Variants in SNX1 observed in about 807,000 individuals in gnomAD.
The protein encoded by SNX1 is sorting nexin-1.
Under a neutral mutation model 71.8 loss-of-function variants are expected in SNX1, and 36 were observed. That is an observed-to-expected ratio of 0.50 (90% CI 0.38 to 0.66). The LOEUF (loss-of-function observed/expected upper bound fraction) is 0.66. SNX1 is among the 30% of genes least tolerant of loss of function. The pLI, the probability that SNX1 is intolerant of heterozygous loss-of-function variation, is 0.00. For synonymous variants in SNX1, 254 were observed against 240.7 expected, an observed-to-expected ratio of 1.06 and a Z score of -0.51; for missense variants, 612 against 646.7, an observed-to-expected ratio of 0.95 and a Z score of 0.58.
At chr15:64,126,434 C>G (rs2081253553) in intron 6 of SNX1, among the ~76,000 whole-genome samples, 1 of 152,154 alleles carries the variant, frequency 6.6e-6, no homozygotes, top group South Asian at 2.1e-4. Context: ...GTTTAGCCTC[C>G]AGAGATGTTC....
chr15:64,138,319 C>T lies in SNX1; in HGVS notation c.*701C>T. The T allele has an allele frequency of 1.3e-6, 1 of 799,766 alleles. No homozygotes were observed. Among genetic ancestry groups the T allele is most frequent in the Non-Finnish European group, 1.8e-6 (1 of 569,926 alleles). The allele number at this position is 799,766 out of a possible 1,614,324, so 49.5% of individuals were successfully genotyped here. On this transcript the variant is annotated 3_prime_UTR_variant, in exon 15 of 15. Transcript: ENST00000559844. ...CCTGCAAAGGAGGCAGAGACTTTCT[C>T]TCTCTCTTTTTTTTTTTTTTTTGGT...
chr15:64,099,629 G>A (rs1429548084), intron 1 of SNX1, among the ~76,000 whole-genome samples: 2 of 152,110 alleles, frequency 1.3e-5, no homozygotes, highest in Non-Finnish European at 2.9e-5. Flanking sequence ...TCTAGCCTGG[G>A]CGAAAAAGTG....
Position 64,143,712 on chromosome 15 carries a change from G to C in SNX1, c.*6094G>C, listed in dbSNP as rs1413080243. 6.6e-6 allele frequency: 1 copy of C among 152,220 alleles called. No homozygotes were observed. Among genetic ancestry groups the C allele is most frequent in the Non-Finnish European group, 1.5e-5 (1 of 68,044 alleles). The allele number at this position is 152,220 out of a possible 1,614,324, so 9.4% of individuals were successfully genotyped here. A position where few individuals can be genotyped will look rare whatever the true frequency, so the allele number is the denominator to read the frequency against. On this transcript the variant is annotated 3_prime_UTR_variant, in exon 15 of 15. Transcript: ENST00000559844. ...ATTCTCAGAATTACACCTGTCTGAA[G>C]CAGGCATTTTCCAATGCCCTAGATG...
intron 5 of SNX1, 37 bp from the exon 6 acceptor site, chr15:64,126,042 G>A (rs771384672): frequency 1.9e-6 from 3 of 1,611,584 alleles, no homozygotes; most frequent in South Asian, 2.2e-5. Context: ...TCCCCTATTT[G>A]GAATGAAATT....
At chr15:64,113,505 A>G (rs55807515) in intron 2 of SNX1, among the ~76,000 whole-genome samples, 2,890 of 152,206 alleles carry the variant, frequency 0.019, 108 homozygotes, top group African/African-American at 0.066. Flanking sequence ...CAGTAGTGCT[A>G]TTGTTGAAAA....
chr15:64,125,379 T>C (rs1273597821), intron 5 of SNX1, among the ~76,000 whole-genome samples: 3 of 150,048 alleles, frequency 2.0e-5, no homozygotes, highest in African/African-American at 7.4e-5. Context: ...ACAAGAGAAT[T>C]GCTTGAACCT....
intron 1 of SNX1, among the ~76,000 whole-genome samples, chr15:64,104,884 TA>T (rs35090758): frequency 0.65 from 81,100 of 125,646 alleles, 27,666 homozygotes; most frequent in East Asian, 0.8. Context: ...GACTTGATCT[TA>T]AAAAAAAAAA....
chr15:64,136,880 T>TC lies in SNX1; in HGVS notation c.1467dup (p.Lys490GlnfsTer9). The TC allele has an allele frequency of 6.2e-7, 1 of 1,613,852 alleles. No individual in the cohort carries two copies. The highest frequency in any genetic ancestry group is 1.1e-5 in the South Asian group (1 of 91,056). The stretch of plus-strand genomic sequence containing the variant: ...TCCTAGAAAGAGAAATCCAAGGACT[T>TC]CAAGAACCACGTGATCAAGTACCTT... On this transcript the variant is annotated frameshift_variant, in exon 14 of 15. Transcript: ENST00000559844. LOFTEE classifies it high-confidence loss of function.
At chr15:64,123,593 G>T in intron 5 of SNX1, 47 bp downstream of exon 5, 1 of 1,462,548 alleles carries the variant, frequency 6.8e-7, no homozygotes, top group African/African-American at 1.4e-5. Context: ...AGACTTTGGT[G>T]CTTATACCAA....
Position 64,134,929 on chromosome 15 carries a change from C to T in SNX1, c.1365+122C>T, listed in dbSNP as rs1450181553. On this transcript the variant is annotated intron_variant, in intron 12 of 14. Coordinates refer to ENST00000559844, the MANE Select transcript of SNX1 (RefSeq NM_003099.5). This position sits in a 1 kb window ranked among gnomAD's most constrained non-coding sequence, Gnocchi z 4.1. ...AGAGCGCTGATTGAGTCTAAAGGGC[C>T]GTGGCTGCTGAGGAAGCCTCTGAGA... 19 of 1,307,780 alleles carry T rather than the reference C, an allele frequency of 1.5e-5. No homozygotes were observed. The Admixed American group carries it at 1.8e-4, about 12-fold the overall frequency. The allele number at this position is 1,307,780 out of a possible 1,614,324, so 81.0% of individuals were successfully genotyped here.
chr15:64,112,586 C>G lies in SNX1; in HGVS notation c.173C>G (p.Ser58Cys). 3.1e-6 allele frequency: 5 copies of G among 1,606,206 alleles called. No individual in the cohort carries two copies. The highest frequency in any genetic ancestry group is 2.2e-5 in the South Asian group (2 of 90,322). ...TGAAVVSKHQ[S>C]PKITTSLLPI... is the part of the protein sequence containing the mutation. The stretch of plus-strand genomic sequence containing the variant: ...CTTTGTTTTCAGAGTAAACATCAGT[C>G]TCCAAAGATAACTACATCCCTTCTT... The change falls in exon 2 of 15, where the codon TCT becomes TGT. Residue 58 changes from serine (S) to cysteine (C), a missense_variant. By Grantham distance (112) the Ser-to-Cys change is moderately radical (BLOSUM62 -1). This residue lies in a region of SNX1 where 316 missense variants were observed against 284.9 expected (regional missense o/e 1.11). Coordinates refer to ENST00000559844, the MANE Select transcript of SNX1 (RefSeq NM_003099.5).
At chr15:64,104,730 C>A (rs546197712) in intron 1 of SNX1, among the ~76,000 whole-genome samples, 1 of 151,252 alleles carries the variant, frequency 6.6e-6, no homozygotes, top group East Asian at 2.0e-4. Context: ...ACTAAAAATA[C>A]AAAATTTAGC....
At chr15:64,112,171 A>C (rs948536532) in intron 1 of SNX1, among the ~76,000 whole-genome samples, 1 of 152,224 alleles carries the variant, frequency 6.6e-6, no homozygotes, top group African/African-American at 2.4e-5. Context: ...CAGAGTAAGC[A>C]TGGGTCAGAG....
chr15:64,100,698 G>A lies in SNX1; in HGVS notation c.159+4526G>A, dbSNP rs1223752856. Among the ~76,000 whole-genome samples, 3 of 151,790 alleles carry A rather than the reference G, an allele frequency of 2.0e-5. No individual in the cohort carries two copies. In the East Asian group the frequency reaches 5.8e-4, roughly 29 times the overall value. On this transcript the variant is annotated intron_variant, in intron 1 of 14. Transcript: ENST00000559844. ...AACTACAAATAGTTTAGAGAGTTAT[G>A]TAAGTTATGTATTAACATTTAGGCA...
At chr15:64,133,617 C>A (rs981482782) in intron 11 of SNX1, among the ~76,000 whole-genome samples, 2 of 152,204 alleles carry the variant, frequency 1.3e-5, no homozygotes, top group African/African-American at 4.8e-5. Flanking sequence ...ATAATCCCAG[C>A]TACTCAGGAG....
rs767680862 is a variant in SNX1 at position 64,131,755 on chromosome 15, G to A, written c.1084G>A (p.Ala362Thr). The A allele has an allele frequency of 6.2e-7, 1 of 1,614,180 alleles. No individual in the cohort carries two copies. Residue 362 changes from alanine to threonine, a missense_variant, in exon 11 of 15, where the codon GCA becomes ACA. Physicochemically the swap from Ala to Thr is moderately conservative, Grantham distance 58 (BLOSUM62 0). Coordinates refer to ENST00000559844, the MANE Select transcript of SNX1 (RefSeq NM_003099.5). ...AMLGSSEDNTALSRALSQLAE... is the reference protein window; with the variant it reads ...AMLGSSEDNTTLSRALSQLAE... ...GCTTGGGAGCTCTGAGGACAACACG[G>A]CATTGTCACGGGCACTCTCCCAGCT... is the stretch of plus-strand genomic sequence containing the variant.
intron 4 of SNX1, among the ~76,000 whole-genome samples, chr15:64,119,737 A>C (rs72755088): frequency 0.046 from 6,547 of 141,020 alleles, 184 homozygotes; most frequent in South Asian, 0.083. Context: ...AAAAAAAAAA[A>C]ACACACACAC....
chr15:64,118,679 C>T, intron 3 of SNX1, 109 bp from the exon 4 acceptor site: 2 of 801,358 alleles, frequency 2.5e-6, no homozygotes, highest in East Asian at 2.7e-5. Context: ...AAGCTGAACA[C>T]TGAAGGATAC....
Position 64,136,875 on chromosome 15 carries a change from G to C in SNX1, c.1461G>C (p.Lys487Asn). ...EVIRFEKEKS[K>N]DFKNHVIKYL... is the part of the protein sequence containing the mutation. ...TTGTCTCCTAGAAAGAGAAATCCAA[G>C]GACTTCAAGAACCACGTGATCAAGT... Residue 487 changes from lysine to asparagine, a missense_variant, in exon 14 of 15, where the codon AAG becomes AAC. Physicochemically the swap from Lys to Asn is moderately conservative, Grantham distance 94 (BLOSUM62 0). Transcript: ENST00000559844. The C allele has an allele frequency of 6.2e-7, 1 of 1,613,588 alleles. No individual in the cohort carries two copies. Among genetic ancestry groups the C allele is most frequent in the South Asian group, 1.1e-5 (1 of 91,032 alleles).
Sources: allele counts gnomAD v4.1 joint callset (sites outside exome capture counted in the v4.1 genomes callset), GRCh38; gene constraint gnomAD v4.1.1; regional missense constraint gnomAD v4.1.1; non-coding constraint Gnocchi (gnomAD v3.1); transcripts MANE v1.5; gene names NCBI Gene and HGNC (gene_info 2026-07-23, HGNC 2026-07-21).